The following CDH6 variants were observed in gnomAD, a reference collection of about 807,000 sequenced individuals.
The protein encoded by CDH6 is cadherin-6.
A neutral mutation model predicts 78.0 loss-of-function variants in CDH6; 31 were observed. That is an observed-to-expected ratio of 0.40 (90% CI 0.30 to 0.54). The LOEUF (loss-of-function observed/expected upper bound fraction) is 0.54. Among genes scored for constraint, CDH6 ranks in the 20% least tolerant of loss-of-function variants. The pLI, the probability that CDH6 is intolerant of heterozygous loss-of-function variation, is 0.56. For synonymous variants in CDH6, 376 were observed against 368.8 expected (o/e 1.02, Z -0.23); for missense variants, 724 against 975.9 (o/e 0.74, Z 3.44).
At chr5:31,223,006 C>G (rs1478767500) in intron 1 of CDH6, among the ~76,000 whole-genome samples, 3 of 152,018 alleles carry the variant, frequency 2.0e-5, no homozygotes, top group Admixed American at 2.0e-4. Context: ...CTCTTTCTCT[C>G]TCACTTTTCC....
At chr5:31,246,379 A>G (rs1303340319) in intron 1 of CDH6, among the ~76,000 whole-genome samples, 1 of 152,214 alleles carries the variant, frequency 6.6e-6, no homozygotes, top group African/African-American at 2.4e-5. Flanking sequence ...ATTTTAAATT[A>G]AAATGTCAAG....
intron 1 of CDH6, among the ~76,000 whole-genome samples, chr5:31,244,295 T>C (rs1307891812): frequency 6.6e-6 from 1 of 152,120 alleles, no homozygotes; most frequent in Non-Finnish European, 1.5e-5. Context: ...CTTCATCAAA[T>C]CAAGAACATA....
In CDH6 at chr5:31,302,163, C is replaced by A. The variant is rs771132300; in HGVS notation, c.864C>A (p.Gly288=). The change falls in exon 6 of 12, where the codon GGC becomes GGA. Residue 288 remains glycine, a synonymous_variant. Transcript: ENST00000265071. ...PESSPPGTPI[G]RIKASDADVG... ...CTTCTCCACCGGGGACACCAATTGGCAGAATCAAAGCCAGCGACGCTGATG... is the reference window on the plus strand; with the variant it reads ...CTTCTCCACCGGGGACACCAATTGGAAGAATCAAAGCCAGCGACGCTGATG... 107 of 1,613,744 alleles carry A rather than the reference C, an allele frequency of 6.6e-5. 1 individual carries two copies. In the Middle Eastern group the frequency reaches 1.3e-3, roughly 20 times the overall value.
chr5:31,294,253 G>A lies in CDH6; in HGVS notation c.520G>A (p.Val174Ile), dbSNP rs1301461631. 9 of 1,609,998 alleles carry A rather than the reference G, an allele frequency of 5.6e-6. No homozygotes were observed. The highest frequency in any genetic ancestry group is 1.7e-5 in the Admixed American group (1 of 59,668). The change falls in exon 3 of 12, where the codon GTC becomes ATC. Residue 174 changes from valine to isoleucine, a missense_variant. Val to Ile is a conservative substitution (Grantham distance 29). Transcript: ENST00000265071. The surrounding 1 kb of genome is among the most constrained non-coding windows in gnomAD (Gnocchi z 4.1). Reference protein sequence around the residue: ...YTATVPEMSDVGTFVVQVTAT... With the variant: ...YTATVPEMSDIGTFVVQVTAT... ...AGCCACTGTCCCTGAAATGTCTGAT[G>A]TCGGTGAGTGAGACGTGACTTCAGC...
chr5:31,255,705 CAG>C (rs768607797), intron 1 of CDH6, among the ~76,000 whole-genome samples: 6 of 152,302 alleles, frequency 3.9e-5, no homozygotes, highest in Non-Finnish European at 7.4e-5. Flanking sequence ...TAGTTAGTCT[CAG>C]GGAAGAAACC....
intron 2 of CDH6, among the ~76,000 whole-genome samples, chr5:31,287,081 C>A (rs112607008): frequency 7.2e-5 from 11 of 152,070 alleles, no homozygotes; most frequent in Non-Finnish European, 1.6e-4. Context: ...ATTCTTGACT[C>A]CAGATCTCAA....
chr5:31,322,843 G>A lies in CDH6; in HGVS notation c.1908G>A (p.Leu636=), dbSNP rs1393530565. 7 of 1,613,684 alleles carry A rather than the reference G, an allele frequency of 4.3e-6. No homozygotes were observed. In the Admixed American group the frequency reaches 6.7e-5, roughly 15 times the overall value. The part of the protein sequence containing the change: ...LLVTVVLFAA[L]RRQRKKEPLI... ...TGACAGTGGTGCTGTTTGCAGCTCT[G>A]AGGCGGCAGCGAAAAAAAGAGCCTT... The change falls in exon 12 of 12, where the codon CTG becomes CTA. Residue 636 remains leucine (L), a synonymous_variant. Transcript: ENST00000265071.
chr5:31,322,184 A>T (rs1185473986), intron 11 of CDH6, among the ~76,000 whole-genome samples: 3 of 152,214 alleles, frequency 2.0e-5, no homozygotes, highest in African/African-American at 7.2e-5. Context: ...GCCCCCTTCA[A>T]ATTAGCCAAT....
chr5:31,260,944 A>G (rs1742196657), intron 1 of CDH6, among the ~76,000 whole-genome samples: 1 of 152,242 alleles, frequency 6.6e-6, no homozygotes, highest in South Asian at 2.1e-4. Context: ...TACCACTTCT[A>G]GAAGATCAGC....
At chr5:31,279,327 G>T (rs1221721018) in intron 2 of CDH6, among the ~76,000 whole-genome samples, 3 of 152,112 alleles carry the variant, frequency 2.0e-5, no homozygotes, top group Non-Finnish European at 4.4e-5. Context: ...AAGCACTTTG[G>T]GAGGCCGAGG....
In CDH6 at chr5:31,322,987, G is replaced by T. The variant is rs746445760; in HGVS notation, c.2052G>T (p.Glu684Asp). ...IGTLRNPEAI[E>D]DNKLRRDIVP... Reference sequence around the variant, plus strand: ...CCCTGAGGAATCCTGAAGCCATAGAGGACAACAAATTACGAAGGGACATTG... The same window carrying T: ...CCCTGAGGAATCCTGAAGCCATAGATGACAACAAATTACGAAGGGACATTG... The change falls in exon 12 of 12, where the codon GAG becomes GAT. Residue 684 changes from glutamate to aspartate, a missense_variant. Physicochemically the swap from Glu to Asp is conservative, Grantham distance 45. This residue lies in a region of CDH6 where 220 missense variants were observed against 240.6 expected (regional missense o/e 0.91). Transcript: ENST00000265071. The T allele has an allele frequency of 2.5e-6, 4 of 1,614,158 alleles. No homozygotes were observed. In the South Asian group the frequency reaches 4.4e-5, roughly 18 times the overall value.
intron 1 of CDH6, among the ~76,000 whole-genome samples, chr5:31,199,405 T>TGATA (rs1249085144): frequency 2.0e-5 from 3 of 148,690 alleles, no homozygotes; most frequent in Non-Finnish European, 4.5e-5. Context: ...TATATGTACT[T>TGATA]TACATGGTGT....
intron 11 of CDH6, among the ~76,000 whole-genome samples, chr5:31,321,909 C>T (rs190339386): frequency 5.0e-4 from 76 of 152,190 alleles, no homozygotes; most frequent in Non-Finnish European, 8.8e-5. Context: ...ACCCATATGT[C>T]CATTCATAGA....
intron 2 of CDH6, among the ~76,000 whole-genome samples, chr5:31,285,203 A>G (rs913024285): frequency 2.6e-5 from 4 of 152,168 alleles, no homozygotes; most frequent in African/African-American, 7.2e-5. Context: ...TGCTGACTTT[A>G]TGGCTTTTCT....
At chr5:31,310,922 T>A (rs550136843) in intron 7 of CDH6, among the ~76,000 whole-genome samples, 1 of 152,302 alleles carries the variant, frequency 6.6e-6, no homozygotes, top group South Asian at 2.1e-4. Context: ...CCTCTGGGCC[T>A]GTGAGGGAAG....
intron 7 of CDH6, among the ~76,000 whole-genome samples, chr5:31,311,344 C>A (rs574192675): frequency 1.3e-5 from 2 of 152,334 alleles, no homozygotes; most frequent in South Asian, 4.1e-4. Flanking sequence ...CCCTCTGAGA[C>A]CTCCTCAGCC....
intron 6 of CDH6, 69 bp downstream of exon 6, chr5:31,302,367 G>A: frequency 9.0e-7 from 1 of 1,115,524 alleles, no homozygotes; most frequent in Non-Finnish European, 1.3e-6. Context: ...AAGTTACCAG[G>A]GGCAATTATA....
At chr5:31,228,535 C>T (rs373902234) in intron 1 of CDH6, among the ~76,000 whole-genome samples, 6 of 152,152 alleles carry the variant, frequency 3.9e-5, no homozygotes, top group African/African-American at 1.4e-4. Context: ...CAATCCTAGG[C>T]AGTGGTCCCC....
At chr5:31,208,235 T>C (rs1740592574) in intron 1 of CDH6, among the ~76,000 whole-genome samples, 1 of 152,196 alleles carries the variant, frequency 6.6e-6, no homozygotes, top group Non-Finnish European at 1.5e-5. Context: ...TACGAGGGGC[T>C]TTATGCCCTG....
Sources: allele counts gnomAD v4.1 joint callset (sites outside exome capture counted in the v4.1 genomes callset), GRCh38; gene constraint gnomAD v4.1.1; regional missense constraint gnomAD v4.1.1; non-coding constraint Gnocchi (gnomAD v3.1); transcripts MANE v1.5; gene names NCBI Gene and HGNC (gene_info 2026-07-23, HGNC 2026-07-21).